Variants in NOX5 observed in about 807,000 individuals in gnomAD.
NOX5 encodes the protein NADPH oxidase 5.
NOX5 carries 76 observed loss-of-function variants against 85.7 expected under a neutral mutation model. The observed-to-expected ratio is 0.89, with a 90% CI of 0.74 to 1.07. NOX5 has a LOEUF of 1.07. Among genes scored for constraint, NOX5 ranks in the 50% least tolerant of loss-of-function variants. The pLI is 0.00. For synonymous variants in NOX5, 405 were observed against 401.4 expected, an observed-to-expected ratio of 1.01 and a Z score of -0.11; for missense variants, 973 against 999.5, an observed-to-expected ratio of 0.97 and a Z score of 0.36.
intron 11 of NOX5, chr15:69,047,074 G>C (rs756825123): frequency 8.8e-5 from 53 of 599,046 alleles, no homozygotes; most frequent in Non-Finnish European, 1.5e-4. Flanking sequence ...CCCTCAGCCT[G>C]TCTCTTCACC....
At chr15:69,045,619 CTCCT>C (rs895573405) in intron 10 of NOX5, among the ~76,000 whole-genome samples, 23 of 77,608 alleles carry the variant, frequency 3.0e-4, no homozygotes, top group African/African-American at 6.1e-4. Flanking sequence ...CTCTCTCTCT[CTCCT>C]TCCTTCCTTC....
chr15:69,032,825 G>A (rs891406002), intron 4 of NOX5, among the ~76,000 whole-genome samples: 1 of 152,206 alleles, frequency 6.6e-6, no homozygotes, highest in Non-Finnish European at 1.5e-5. Context: ...AATAAAAATA[G>A]CGGTGGTTGT....
chr15:69,019,670 G>A (rs1297556961), intron 1 of NOX5, among the ~76,000 whole-genome samples: 1 of 152,190 alleles, frequency 6.6e-6, no homozygotes, highest in African/African-American at 2.4e-5. Context: ...CAGTGCTACT[G>A]TATTTATTCA....
At chr15:69,036,080 C>G in intron 7 of NOX5, 144 bp downstream of exon 7, 2 of 1,116,960 alleles carry the variant, frequency 1.8e-6, no homozygotes, top group Non-Finnish European at 2.5e-6. Context: ...GGACCTGCTG[C>G]TGTGTTCTGC....
intron 10 of NOX5, 108 bp downstream of exon 10, chr15:69,042,913 A>G: frequency 8.1e-7 from 1 of 1,227,042 alleles, no homozygotes; most frequent in Middle Eastern, 2.2e-4. Context: ...TGCTGTGTAC[A>G]TAGATGGCAG....
chr15:69,046,695 T>C (rs377258826), intron 10 of NOX5, 127 bp from the exon 11 acceptor site: 12 of 790,630 alleles, frequency 1.5e-5, no homozygotes, highest in East Asian at 1.0e-4. Flanking sequence ...GTTCCCTGAA[T>C]GGTTTGGGCA....
chr15:69,025,289 C>T (rs933955360), intron 1 of NOX5, among the ~76,000 whole-genome samples: 2 of 151,740 alleles, frequency 1.3e-5, no homozygotes, highest in African/African-American at 2.4e-5. Flanking sequence ...GTATTTCCTC[C>T]ATACTGCACA....
At position 69,037,185 on chromosome 15, in the gene NOX5, T is replaced by C. The variant is rs368482877; in HGVS notation, c.1346T>C (p.Met449Thr). Residue 449 changes from methionine (M) to threonine (T), a missense_variant, in exon 8 of 16, where the codon ATG becomes ACG. By Grantham distance (81) the Met-to-Thr change is moderately conservative. Transcript: ENST00000388866. Reference protein sequence around the residue: ...AVSRMAAVCIMEVNLLPSKVT... With the variant: ...AVSRMAAVCITEVNLLPSKVT... ...TCCCGCATGGCAGCCGTGTGCATCA[T>C]GGAAGTCAACCTCCTCCCCTCCAAG... 51 of 1,613,628 alleles carry C rather than the reference T, an allele frequency of 3.2e-5. 1 individual carries two copies. Among genetic ancestry groups the C allele is most frequent in the Non-Finnish European group, 4.0e-5 (47 of 1,179,994 alleles).
chr15:69,051,104 C>G (rs2050743170), intron 14 of NOX5, among the ~76,000 whole-genome samples: 1 of 152,194 alleles, frequency 6.6e-6, no homozygotes, highest in South Asian at 2.1e-4. Context: ...CACCTTCCCT[C>G]TCTTCCTTTC....
Position 69,037,145 on chromosome 15 carries a change from A to G in NOX5, c.1306A>G (p.Ile436Val), listed in dbSNP as rs1057242566. The G allele has an allele frequency of 3.7e-6, 6 of 1,613,990 alleles. No homozygotes were observed. In the African/African-American group the frequency reaches 6.7e-5, roughly 18 times the overall value. Residue 436 changes from isoleucine (I) to valine (V), a missense_variant, in exon 8 of 16, where the codon ATC (isoleucine) becomes GTC (valine). Ile to Val is a conservative substitution (Grantham distance 29). Transcript: ENST00000388866. ...PGILFFLEKAIGLAVSRMAAV... is the reference protein window; with the variant it reads ...PGILFFLEKAVGLAVSRMAAV... ...AATCTTGTTTTTCCTGGAGAAGGCCATCGGACTGGCAGTGTCCCGCATGGC... is the reference window on the plus strand; with the variant it reads ...AATCTTGTTTTTCCTGGAGAAGGCCGTCGGACTGGCAGTGTCCCGCATGGC...
chr15:69,047,626 C>T (rs1026995203), intron 12 of NOX5, 89 bp downstream of exon 12: 4 of 1,495,186 alleles, frequency 2.7e-6, no homozygotes, highest in East Asian at 2.4e-5. Flanking sequence ...CTTCTCCTTC[C>T]TCTCCTTTCA....
At chr15:69,050,025 C>A (rs962916897) in intron 14 of NOX5, among the ~76,000 whole-genome samples, 6 of 152,206 alleles carry the variant, frequency 3.9e-5, no homozygotes, top group African/African-American at 1.4e-4. Flanking sequence ...CACTGGTCTG[C>A]TTTCTATCAC....
intron 3 of NOX5, 33 bp downstream of exon 3, chr15:69,028,398 G>A: frequency 3.9e-6 from 6 of 1,545,464 alleles, no homozygotes; most frequent in South Asian, 1.2e-5. Flanking sequence ...GGCTGGGGTG[G>A]GGAGATCAGT....
chr15:69,040,960 A>AGT (rs1246411730), intron 9 of NOX5, among the ~76,000 whole-genome samples: 2 of 152,210 alleles, frequency 1.3e-5, no homozygotes, highest in Admixed American at 6.5e-5. Context: ...CTGGGATTAC[A>AGT]GGCATAAGCC....
intron 3 of NOX5, chr15:69,030,662 T>C (rs1283003735): frequency 6.6e-6 from 1 of 152,170 alleles, no homozygotes; most frequent in Non-Finnish European, 1.5e-5. Flanking sequence ...TGGAGAGTGG[T>C]ATAATATACT....
intron 14 of NOX5, among the ~76,000 whole-genome samples, chr15:69,050,311 C>G (rs1348870278): frequency 6.6e-6 from 1 of 152,160 alleles, no homozygotes; most frequent in African/African-American, 2.4e-5. Flanking sequence ...GGTCTTTTCA[C>G]TTTTTGTGCC....
intron 5 of NOX5, among the ~76,000 whole-genome samples, chr15:69,034,753 A>ATTTC (rs1476225884): frequency 1.3e-5 from 2 of 152,096 alleles, no homozygotes; most frequent in African/African-American, 4.8e-5. Context: ...TTATTTATTT[A>ATTTC]TTTATTTATT....
chr15:69,044,551 C>T (rs969208630), intron 10 of NOX5, among the ~76,000 whole-genome samples: 1 of 152,042 alleles, frequency 6.6e-6, no homozygotes, highest in Non-Finnish European at 1.5e-5. Flanking sequence ...TTGCTGATCA[C>T]CTTTACAATA....
chr15:69,017,864 A>G (rs2050250057), intron 1 of NOX5, among the ~76,000 whole-genome samples: 1 of 152,144 alleles, frequency 6.6e-6, no homozygotes, highest in South Asian at 2.1e-4. Context: ...TCAAACAGAG[A>G]AACAGAGGTC....
Sources: gnomAD v4.1 joint callset for allele counts (sites outside exome capture counted in the v4.1 genomes callset) on GRCh38, gnomAD v4.1.1 for gene constraint, MANE v1.5 for transcripts, NCBI Gene and HGNC (gene_info 2026-07-23, HGNC 2026-07-21) for gene names.